Variants in MMD observed in about 807,000 individuals in gnomAD.
MMD encodes monocyte to macrophage differentiation associated.
In MMD, 22 loss-of-function variants were observed where a neutral mutation model predicts 33.6. That is an observed-to-expected ratio of 0.66 (90% CI 0.47 to 0.94). The LOEUF (loss-of-function observed/expected upper bound fraction) is 0.94. Ranked by LOEUF, MMD falls within the 40% of genes least tolerant of loss-of-function variation. The pLI is 0.00. For synonymous variants in MMD, 97 were observed against 103.2 expected (o/e 0.94, Z 0.36); for missense variants, 242 against 309.8 (o/e 0.78, Z 1.64).
At chr17:55,419,892 T>G (rs1293307451) in intron 1 of MMD, among the ~76,000 whole-genome samples, 3 of 152,130 alleles carry the variant, frequency 2.0e-5, no homozygotes, top group Non-Finnish European at 4.4e-5. Flanking sequence ...ATACCTGTAT[T>G]TTTAGTTTTT....
chr17:55,406,466 C>G (rs1036098286), intron 4 of MMD, among the ~76,000 whole-genome samples: 3 of 152,104 alleles, frequency 2.0e-5, no homozygotes, highest in Admixed American at 1.3e-4. Flanking sequence ...GAGGCTGAGG[C>G]AGGAGAATCG....
intron 4 of MMD, among the ~76,000 whole-genome samples, chr17:55,406,652 G>A (rs867684408): frequency 2.6e-5 from 4 of 152,132 alleles, no homozygotes; most frequent in Middle Eastern, 3.4e-3. Context: ...AGGCAGAGGC[G>A]GGCAGATCAC....
In MMD at chr17:55,415,236, T is replaced by C. The variant is rs1907921945; in HGVS notation, c.27-1004A>G. ...GGAGAGAAAAAAGCAGCTGTCTGAA[T>C]AAAAGAAGAAAGAGGTAGATGCACA... is the stretch of plus-strand genomic sequence containing the variant. On this transcript the variant is annotated intron_variant, in intron 1 of 6. Coordinates refer to ENST00000262065, the MANE Select transcript of MMD (RefSeq NM_012329.3). Among the ~76,000 whole-genome samples the C allele has an allele frequency of 2.1e-5, 3 of 144,208 alleles. No individual in the cohort carries two copies. The South Asian group carries it at 6.5e-4, about 31-fold the overall frequency. The allele number at this position is 144,208 out of a possible 152,430, so 94.6% of individuals were successfully genotyped here.
chr17:55,394,705 T>A (rs1907037695), intron 6 of MMD, among the ~76,000 whole-genome samples, 171 bp from the exon 7 acceptor site: 1 of 152,180 alleles, frequency 6.6e-6, no homozygotes, highest in Non-Finnish European at 1.5e-5. Flanking sequence ...CTCTTATACA[T>A]CGACCTGGAT....
intron 6 of MMD, among the ~76,000 whole-genome samples, chr17:55,395,534 CCA>C (rs1438819677): frequency 6.6e-6 from 1 of 152,178 alleles, no homozygotes; most frequent in Non-Finnish European, 1.5e-5. Context: ...AGAATGGGCC[CCA>C]AGGCCCTCGG....
chr17:55,411,152 G>A (rs1907745033), intron 3 of MMD, 105 bp downstream of exon 3: 20 of 1,284,528 alleles, frequency 1.6e-5, no homozygotes, highest in Non-Finnish European at 1.8e-5. Context: ...GCAGAAAAAT[G>A]TCTACTCTTT....
intron 4 of MMD, among the ~76,000 whole-genome samples, chr17:55,404,132 A>C (rs549774273): frequency 1.2e-4 from 18 of 152,328 alleles, no homozygotes; most frequent in South Asian, 4.2e-4. Flanking sequence ...AGGCAGACGG[A>C]TCACTTGAGG....
rs767089822 is a variant in MMD, at chr17:55,394,508, A to C, written c.543T>G (p.Leu181=). The stretch of plus-strand genomic sequence containing the variant: ...AGCAATAAATTAAGCCCCCACAGGC[A>C]AGTTCCTGAAGTCCATCGGTGTTGT... The part of the protein sequence containing the change: ...SMNNTDGLQE[L]ACGGLIYCLG... The change falls in exon 7 of 7, where the codon CTT becomes CTG. Residue 181 remains leucine, a synonymous_variant. Coordinates refer to ENST00000262065, the MANE Select transcript of MMD (RefSeq NM_012329.3). 5 of 1,519,438 alleles carry C rather than the reference A, an allele frequency of 3.3e-6. No individual in the cohort carries two copies. The highest frequency in any genetic ancestry group is 1.8e-6 in the Non-Finnish European group (2 of 1,138,648). 94.1% of individuals were successfully genotyped at this position (1,519,438 alleles called of 1,614,324 possible).
intron 4 of MMD, 60 bp from the exon 5 acceptor site, chr17:55,403,928 C>T: frequency 7.6e-7 from 1 of 1,317,146 alleles, no homozygotes. Context: ...ATTCATAGAA[C>T]CTGTGTCATT....
chr17:55,408,222 T>C (rs1359852051), intron 3 of MMD, among the ~76,000 whole-genome samples: 1 of 152,186 alleles, frequency 6.6e-6, no homozygotes, highest in African/African-American at 2.4e-5. Context: ...CTCCTATCAG[T>C]GCAGGGCAAA....
intron 1 of MMD, among the ~76,000 whole-genome samples, chr17:55,415,207 C>A (rs1907920746): frequency 6.6e-6 from 1 of 151,122 alleles, no homozygotes; most frequent in African/African-American, 2.4e-5. Context: ...TCCTTTTTTT[C>A]TCAGGAGAGA....
intron 2 of MMD, 80 bp downstream of exon 2, chr17:55,414,071 G>C (rs2143154666): frequency 7.5e-7 from 1 of 1,330,612 alleles, no homozygotes; most frequent in East Asian, 2.3e-5. Flanking sequence ...TAATTGTGCT[G>C]AGGTTACTAG....
At chr17:55,411,568 C>T in intron 2 of MMD, 151 bp from the exon 3 acceptor site, 1 of 1,022,012 alleles carries the variant, frequency 9.8e-7, no homozygotes, top group South Asian at 1.8e-5. Context: ...TAACGAGAGC[C>T]AGATGAAGTT....
intron 6 of MMD, among the ~76,000 whole-genome samples, chr17:55,396,630 T>C (rs1907111795): frequency 1.3e-5 from 2 of 152,164 alleles, no homozygotes; most frequent in Non-Finnish European, 2.9e-5. Context: ...TTCTTTTTTT[T>C]TTCTGAGATG....
intron 5 of MMD, among the ~76,000 whole-genome samples, chr17:55,402,087 C>CAAAAAAAAAAAAAAAAA (rs55724383): frequency 2.2e-5 from 2 of 92,046 alleles, no homozygotes; most frequent in Non-Finnish European, 4.1e-5. Context: ...GACTCAGTCT[C>CAAAAAAAAAAAAAAAAA]AAAAAAAAAA....
At chr17:55,419,980 T>A (rs909509502) in intron 1 of MMD, 2 of 152,158 alleles carry the variant, frequency 1.3e-5, no homozygotes, top group Non-Finnish European at 2.9e-5. Context: ...CAAAAATAAT[T>A]AAAAAGTCAG....
rs1016611854 is a variant in MMD at position 55,421,547 on chromosome 17, G to C, written c.26+123C>G. ...GGAATCCCCAGGGAACTGATCCCTGGCCAAGGTGCGGGATCCACCCAGGAT... is the reference window on the plus strand; with the variant it reads ...GGAATCCCCAGGGAACTGATCCCTGCCCAAGGTGCGGGATCCACCCAGGAT... On this transcript the variant is annotated intron_variant, in intron 1 of 6. Coordinates refer to ENST00000262065, the MANE Select transcript of MMD (RefSeq NM_012329.3). The C allele has an allele frequency of 2.3e-5, 32 of 1,373,834 alleles. 1 individual carries two copies. The highest frequency in any genetic ancestry group is 1.9e-4 in the Middle Eastern group (1 of 5,192). 85.1% of individuals were successfully genotyped at this position (1,373,834 alleles called of 1,614,324 possible). A position where few individuals can be genotyped will look rare whatever the true frequency, so the allele number is the denominator to read the frequency against.
intron 2 of MMD, 71 bp downstream of exon 2, chr17:55,414,080 A>T: frequency 7.2e-7 from 1 of 1,397,976 alleles, no homozygotes; most frequent in Non-Finnish European, 1.0e-6. Context: ...TGAGGTTACT[A>T]GAGATAACTA....
chr17:55,393,916 T>G lies in MMD; in HGVS notation c.*418A>C, dbSNP rs1907008717. ...ACATGGTAAAAAGTAGTGTAAGTTC[T>G]GTCCATGATTCTTTACCTAGTGAAT... On this transcript the variant is annotated 3_prime_UTR_variant, in exon 7 of 7. Coordinates refer to ENST00000262065, the MANE Select transcript of MMD (RefSeq NM_012329.3). 6.5e-6 allele frequency: 1 copy of G among 153,474 alleles called. No homozygotes were observed. The highest frequency in any genetic ancestry group is 1.9e-4 in the East Asian group (1 of 5,232). The allele number at this position is 153,474 out of a possible 1,614,324, so 9.5% of individuals were successfully genotyped here.
Sources: allele counts gnomAD v4.1 joint callset (sites outside exome capture counted in the v4.1 genomes callset), GRCh38; gene constraint gnomAD v4.1.1; transcripts MANE v1.5; gene names NCBI Gene and HGNC (gene_info 2026-07-23, HGNC 2026-07-21).